Variants in ZNF721 observed in about 807,000 individuals in gnomAD.
ZNF721 encodes zinc finger protein 721.
Under a neutral mutation model 2.4 loss-of-function variants are expected in ZNF721, and 2 were observed. That is an observed-to-expected ratio of 0.82 (90% confidence interval 0.34 to 2.58). The LOEUF is 2.58. Ranked by LOEUF, ZNF721 falls within the 30% of genes most tolerant of loss-of-function variation. The pLI is 0.11. For missense variants in ZNF721, 1,187 were observed against 1,085.5 expected (o/e 1.09, Z -1.31); for synonymous variants, 398 against 381.8 (o/e 1.04, Z -0.50).
intron 2 of ZNF721, among the ~76,000 whole-genome samples, chr4:472,349 T>C (rs1242639251): frequency 6.6e-6 from 1 of 152,246 alleles, no homozygotes; most frequent in Admixed American, 6.5e-5. Context: ...CGTGAGCCAC[T>C]GCACCCAGCC....
At chr4:462,350 T>C (rs1441510565) in intron 2 of ZNF721, among the ~76,000 whole-genome samples, 1 of 152,238 alleles carries the variant, frequency 6.6e-6, no homozygotes, top group Non-Finnish European at 1.5e-5. Flanking sequence ...ATAGATTCAA[T>C]GCTATTCCCA....
rs782392599 is a variant in ZNF721 at position 443,403 on chromosome 4, T to A, written c.1064A>T (p.His355Leu). The A allele has an allele frequency of 2.5e-6, 4 of 1,613,090 alleles. No homozygotes were observed. Among genetic ancestry groups the A allele is most frequent in the Non-Finnish European group, 3.4e-6 (4 of 1,179,166 alleles). Residue 355 changes from histidine (H) to leucine (L), a missense_variant, in exon 3 of 3, where the codon CAT becomes CTT. Coordinates refer to ENST00000511833, the MANE Select transcript of ZNF721 (RefSeq NM_133474.4). ...SANLYVHRRIHTGEKPYKCED... is the reference protein window; with the variant it reads ...SANLYVHRRILTGEKPYKCED... ...GCATTTGTAAGGTTTCTCTCCAGTA[T>A]GAATTCTCCTATGTACGTAAAGGTT...
At chr4:466,050 G>A (rs1266351815) in intron 2 of ZNF721, among the ~76,000 whole-genome samples, 3 of 140,446 alleles carry the variant, frequency 2.1e-5, no homozygotes, top group Non-Finnish European at 3.0e-5. Context: ...AGGCTGGAAT[G>A]CAGTGGCACA....
Position 443,416 on chromosome 4 carries a change from G to A in ZNF721, c.1051C>T (p.His351Tyr). 1 of 1,612,926 alleles carries A rather than the reference G, an allele frequency of 6.2e-7. No homozygotes were observed. Among genetic ancestry groups the A allele is most frequent in the Non-Finnish European group, 8.5e-7 (1 of 1,179,146 alleles). ...TTCTCTCCAGTATGAATTCTCCTAT[G>A]TACGTAAAGGTTTGCGGACTGTCTA... is the stretch of plus-strand genomic sequence containing the variant. ...TFRQSANLYV[H>Y]RRIHTGEKPY... The change falls in exon 3 of 3, where the codon CAT becomes TAT. Residue 351 changes from histidine to tyrosine, a missense_variant. Physicochemically the swap from His to Tyr is moderately conservative, Grantham distance 83. Transcript: ENST00000511833.
At chr4:471,872 C>T (rs2108711722) in intron 2 of ZNF721, among the ~76,000 whole-genome samples, 1 of 152,058 alleles carries the variant, frequency 6.6e-6, no homozygotes, top group South Asian at 2.1e-4. Flanking sequence ...TTACATTGTA[C>T]ACATTAAATA....
At chr4:498,869 C>T (rs1479740838) in intron 1 of ZNF721, among the ~76,000 whole-genome samples, 187 bp downstream of exon 1, 2 of 152,026 alleles carry the variant, frequency 1.3e-5, no homozygotes, top group African/African-American at 4.8e-5. Context: ...GGACGACAGG[C>T]ACCCGCCATC....
intron 2 of ZNF721, among the ~76,000 whole-genome samples, chr4:457,068 T>C (rs1376704356): frequency 6.6e-6 from 1 of 152,184 alleles, no homozygotes; most frequent in Non-Finnish European, 1.5e-5. Context: ...GATCTGGCAT[T>C]TTGAATCCTT....
Position 443,381 on chromosome 4 carries a change from T to A in ZNF721, c.1086A>T (p.Lys362Asn). ...CAAAGGCTTTGCCACAGTCTTCGCA[T>A]TTGTAAGGTTTCTCTCCAGTATGAA... ...RRIHTGEKPY[K>N]CEDCGKAFGR... Residue 362 changes from lysine (K) to asparagine (N), a missense_variant, in exon 3 of 3, where the codon AAA (lysine) becomes AAT (asparagine). By Grantham distance (94) the Lys-to-Asn change is moderately conservative (BLOSUM62 0). Coordinates refer to ENST00000511833, the MANE Select transcript of ZNF721 (RefSeq NM_133474.4). 13 of 1,614,160 alleles carry A rather than the reference T, an allele frequency of 8.1e-6. No individual in the cohort carries two copies. The highest frequency in any genetic ancestry group is 1.1e-5 in the Non-Finnish European group (13 of 1,180,010).
At chr4:481,975 A>G (rs2108718572) in intron 1 of ZNF721, among the ~76,000 whole-genome samples, 1 of 152,352 alleles carries the variant, frequency 6.6e-6, no homozygotes, top group African/African-American at 2.4e-5. Context: ...CAGAAAACTG[A>G]GTTAGATTTT....
intron 2 of ZNF721, among the ~76,000 whole-genome samples, chr4:448,553 C>T (rs868993947): frequency 6.6e-6 from 1 of 152,020 alleles, no homozygotes; most frequent in African/African-American, 2.4e-5. Flanking sequence ...AATGCAATCC[C>T]TGTCAAATTT....
At chr4:459,376 C>CA (rs1714945134) in intron 2 of ZNF721, among the ~76,000 whole-genome samples, 1 of 152,042 alleles carries the variant, frequency 6.6e-6, no homozygotes, top group Non-Finnish European at 1.5e-5. Context: ...CAAGACCCAT[C>CA]AGTGTGCTAT....
intron 2 of ZNF721, among the ~76,000 whole-genome samples, chr4:448,232 T>C (rs11944122): frequency 0.34 from 51,139 of 151,826 alleles, 9,460 homozygotes; most frequent in East Asian, 0.55. Flanking sequence ...CTGGTATGAA[T>C]GTAGAATAAA....
intron 2 of ZNF721, among the ~76,000 whole-genome samples, chr4:447,149 A>G (rs1290048352): frequency 1.3e-5 from 2 of 151,912 alleles, no homozygotes; most frequent in African/African-American, 4.8e-5. Context: ...GATAAACCCC[A>G]TCTCTACTGA....
At chr4:459,033 G>T (rs782320218) in intron 2 of ZNF721, among the ~76,000 whole-genome samples, 14 of 152,128 alleles carry the variant, frequency 9.2e-5, no homozygotes, top group Non-Finnish European at 1.8e-4. Context: ...TTTCAACCCA[G>T]AATTTCATAT....
chr4:459,131 C>A (rs1156495748), intron 2 of ZNF721, among the ~76,000 whole-genome samples: 1 of 152,104 alleles, frequency 6.6e-6, no homozygotes, highest in Admixed American at 6.6e-5. Flanking sequence ...CCAGGCCTGC[C>A]TTAGAAGAGC....
At chr4:454,998 G>A (rs1274291779) in intron 2 of ZNF721, among the ~76,000 whole-genome samples, 2 of 152,104 alleles carry the variant, frequency 1.3e-5, no homozygotes, top group South Asian at 2.1e-4. Context: ...AAAGCTTCAC[G>A]AGACCTCTCC....
At chr4:489,494 A>G (rs1339046674) in intron 1 of ZNF721, among the ~76,000 whole-genome samples, 2 of 152,206 alleles carry the variant, frequency 1.3e-5, no homozygotes, top group Admixed American at 6.5e-5. Flanking sequence ...CCGGCACCAA[A>G]CAGTGACTGG....
chr4:472,353 C>A (rs1184346828), intron 2 of ZNF721, among the ~76,000 whole-genome samples: 1 of 152,244 alleles, frequency 6.6e-6, no homozygotes, highest in Non-Finnish European at 1.5e-5. Flanking sequence ...AGCCACTGCA[C>A]CCAGCCCTAA....
intron 1 of ZNF721, among the ~76,000 whole-genome samples, chr4:494,766 C>G (rs146848778): frequency 0.012 from 1,865 of 152,094 alleles, 40 homozygotes; most frequent in African/African-American, 0.042. Context: ...ATAAGGAGAC[C>G]AGTTTTATTT....
Sources: allele counts gnomAD v4.1 joint callset (sites outside exome capture counted in the v4.1 genomes callset), GRCh38; gene constraint gnomAD v4.1.1; transcripts MANE v1.5; gene names NCBI Gene and HGNC (gene_info 2026-07-23, HGNC 2026-07-21).